ZFAND3: variants seen among roughly 807,000 people sequenced by gnomAD.
ZFAND3 encodes AN1-type zinc finger protein 3.
ZFAND3 carries 10 observed loss-of-function variants against 29.6 expected under a neutral mutation model. That is an observed-to-expected ratio of 0.34 (90% CI 0.21 to 0.57). ZFAND3 has a LOEUF of 0.57. ZFAND3 is among the 20% of genes least tolerant of loss of function. The pLI is 0.86. For synonymous variants in ZFAND3, 128 were observed against 112.6 expected, an observed-to-expected ratio of 1.14 and a Z score of -0.87; for missense variants, 230 against 304.5, an observed-to-expected ratio of 0.76 and a Z score of 1.82.
At chr6:38,144,192 T>TATATATA (rs1766031456) in intron 5 of ZFAND3, among the ~76,000 whole-genome samples, 5 of 40,794 alleles carry the variant, frequency 1.2e-4, no homozygotes, top group African/African-American at 6.9e-4. Context: ...ATAATATATA[T>TATATATA]ATATATATAT....
chr6:37,907,795 C>G (rs1765436439), intron 1 of ZFAND3, among the ~76,000 whole-genome samples: 2 of 152,152 alleles, frequency 1.3e-5, no homozygotes, highest in African/African-American at 4.8e-5. Flanking sequence ...TACTCTTCAC[C>G]TAGATTGACT....
At chr6:37,860,421 G>C (rs1764464481) in intron 1 of ZFAND3, among the ~76,000 whole-genome samples, 1 of 152,008 alleles carries the variant, frequency 6.6e-6, no homozygotes, top group African/African-American at 2.4e-5. Flanking sequence ...TAATGAATTT[G>C]CACTCCCCCT....
At chr6:38,107,317 T>A (rs1370930119) in intron 4 of ZFAND3, among the ~76,000 whole-genome samples, 1 of 152,352 alleles carries the variant, frequency 6.6e-6, no homozygotes, top group East Asian at 1.9e-4. Context: ...CATATTCTGA[T>A]GTCCAGTATG....
At chr6:38,047,044 C>T (rs562617358) in intron 2 of ZFAND3, among the ~76,000 whole-genome samples, 3 of 152,002 alleles carry the variant, frequency 2.0e-5, no homozygotes, top group Non-Finnish European at 4.4e-5. Context: ...GACTTCTGGC[C>T]AGGTGCGGTG....
chr6:37,917,575 G>C (rs1761283385), intron 1 of ZFAND3, among the ~76,000 whole-genome samples: 1 of 152,170 alleles, frequency 6.6e-6, no homozygotes, highest in African/African-American at 2.4e-5. Flanking sequence ...ATGTACTCTT[G>C]AGTTCCCTTC....
At chr6:37,988,423 A>G (rs1377555741) in intron 2 of ZFAND3, among the ~76,000 whole-genome samples, 2 of 152,174 alleles carry the variant, frequency 1.3e-5, no homozygotes, top group African/African-American at 2.4e-5. Flanking sequence ...ACTTTTCCTC[A>G]TCTGCCAGAA....
At chr6:37,951,584 CTCTG>C (rs1561944551) in intron 2 of ZFAND3, among the ~76,000 whole-genome samples, 2 of 152,010 alleles carry the variant, frequency 1.3e-5, no homozygotes, top group Non-Finnish European at 2.9e-5. Flanking sequence ...GACAGGGAGA[CTCTG>C]TCTAAAAAAA....
chr6:37,961,418 C>A (rs1762193357), intron 2 of ZFAND3, among the ~76,000 whole-genome samples: 1 of 152,238 alleles, frequency 6.6e-6, no homozygotes, highest in Admixed American at 6.5e-5. Flanking sequence ...CTCCAGGATC[C>A]TGGGGGAGCT....
intron 5 of ZFAND3, among the ~76,000 whole-genome samples, chr6:38,122,916 C>T (rs1359931547): frequency 6.6e-6 from 1 of 152,148 alleles, no homozygotes; most frequent in African/African-American, 2.4e-5. Context: ...TTGGGCAAAG[C>T]TGGTATTTAG....
chr6:38,079,891 T>TC (rs1021735287), intron 3 of ZFAND3, among the ~76,000 whole-genome samples: 2 of 152,150 alleles, frequency 1.3e-5, no homozygotes, highest in Admixed American at 1.3e-4. Flanking sequence ...TAAAAAATGA[T>TC]CCCCAGGACT....
chr6:37,918,951 CTTTTTTTTT>C (rs66941014), intron 1 of ZFAND3, among the ~76,000 whole-genome samples: 2 of 104,738 alleles, frequency 1.9e-5, no homozygotes, highest in Non-Finnish European at 3.7e-5. Context: ...TGAAAAATGC[CTTTTTTTTT>C]TTTTTTTTTT....
At chr6:38,128,522 T>G (rs774733012) in intron 5 of ZFAND3, among the ~76,000 whole-genome samples, 27 of 152,228 alleles carry the variant, frequency 1.8e-4, no homozygotes, top group Non-Finnish European at 3.1e-4. Flanking sequence ...AGTCGTTGTG[T>G]CATTCCTATC....
chr6:38,059,164 A>C (rs1450267475), intron 2 of ZFAND3, among the ~76,000 whole-genome samples: 1 of 152,216 alleles, frequency 6.6e-6, no homozygotes, highest in African/African-American at 2.4e-5. Flanking sequence ...AAAAAATTAC[A>C]GAACAAGATA....
At chr6:37,979,063 C>G (rs770055435) in intron 2 of ZFAND3, among the ~76,000 whole-genome samples, 1 of 151,350 alleles carries the variant, frequency 6.6e-6, no homozygotes, top group Admixed American at 6.6e-5. Flanking sequence ...CATGAATTCT[C>G]ACTTTAATCT....
chr6:38,069,555 A>C (rs1229905790), intron 3 of ZFAND3, among the ~76,000 whole-genome samples: 2 of 152,186 alleles, frequency 1.3e-5, no homozygotes, highest in Non-Finnish European at 2.9e-5. Context: ...ATTCATCCCA[A>C]AGCTGGTTCT....
intron 2 of ZFAND3, among the ~76,000 whole-genome samples, chr6:38,044,763 T>G (rs1763863730): frequency 6.6e-6 from 1 of 152,234 alleles, no homozygotes; most frequent in Non-Finnish European, 1.5e-5. Context: ...ATGGGAGTTT[T>G]GGGGCTGTTT....
chr6:38,083,714 G>A (rs1263141753), intron 4 of ZFAND3, among the ~76,000 whole-genome samples: 1 of 152,092 alleles, frequency 6.6e-6, no homozygotes, highest in African/African-American at 2.4e-5. Context: ...AGCAGTCAAG[G>A]AGTTGAACCT....
intron 3 of ZFAND3, among the ~76,000 whole-genome samples, chr6:38,065,039 G>C (rs1764315170): frequency 6.6e-6 from 1 of 152,096 alleles, no homozygotes; most frequent in African/African-American, 2.4e-5. Context: ...AGCAGGGAGG[G>C]CTGGGCACAT....
Position 37,861,211 on chromosome 6 carries a change from C to T in ZFAND3, c.71+41195C>T, listed in dbSNP as rs143324208. ...GGTGGAGGTTGCAGTGAGCCAAGAT[C>T]GTGCCACTGCACTCCTGCCTGGGCG... On this transcript the variant is annotated intron_variant, in intron 1 of 5. Transcript: ENST00000287218. Among the ~76,000 whole-genome samples the T allele has an allele frequency of 3.7e-3, 559 of 152,156 alleles. 3 individuals carry two copies. The highest frequency in any genetic ancestry group is 0.014 in the Middle Eastern group (4 of 294).
Sources: gnomAD v4.1 joint callset for allele counts (sites outside exome capture counted in the v4.1 genomes callset) on GRCh38, gnomAD v4.1.1 for gene constraint, MANE v1.5 for transcripts, NCBI Gene and HGNC (gene_info 2026-07-23, HGNC 2026-07-21) for gene names.